PLCH2: variants seen among roughly 807,000 people sequenced by gnomAD.
PLCH2 encodes 1-phosphatidylinositol 4,5-bisphosphate phosphodiesterase eta-2.
A neutral mutation model predicts 134.7 loss-of-function variants in PLCH2; 98 were observed. The ratio of observed to expected loss-of-function variants is 0.73; its 90% CI spans 0.62 to 0.86. The LOEUF (loss-of-function observed/expected upper bound fraction) is 0.86, where lower values mean the gene tolerates loss of function less well. PLCH2 is among the 40% of genes least tolerant of loss of function. The probability of loss-of-function intolerance (pLI) is 0.00; values close to 1 mark genes in which losing one functional copy is unlikely to be tolerated. For missense variants in PLCH2, 1,994 were observed against 1,986.6 expected (o/e 1.00, Z -0.07); for synonymous variants, 974 against 827.5 (o/e 1.18, Z -3.04).
intron 1 of PLCH2, among the ~76,000 whole-genome samples, chr1:2,478,116 C>T (rs755507781): frequency 5.3e-5 from 8 of 152,206 alleles, no homozygotes; most frequent in South Asian, 2.1e-4. Flanking sequence ...CCAGGCCCAG[C>T]GCCGGTTACC....
intron 2 of PLCH2, among the ~76,000 whole-genome samples, chr1:2,441,078 G>A (rs1218217730): frequency 2.0e-5 from 3 of 152,208 alleles, no homozygotes; most frequent in Non-Finnish European, 4.4e-5. Flanking sequence ...TGCCCAGGAA[G>A]TGGAGGGGGT....
At chr1:2,467,124 G>C (rs1045498725), upstream of PLCH2, among the ~76,000 whole-genome samples, 2 of 151,244 alleles carry the variant, frequency 1.3e-5, no homozygotes, top group Non-Finnish European at 3.0e-5. Flanking sequence ...GCCAGCCAGG[G>C]AGCATTTGGC....
the PLCH2 span, among the ~76,000 whole-genome samples, chr1:2,416,925 TG>T: frequency 6.6e-6 from 1 of 151,900 alleles, no homozygotes; most frequent in African/African-American, 2.4e-5. Flanking sequence ...AGAGCCAGCC[TG>T]GGGGGGCCCT....
chr1:2,431,541 C>G (rs538715630), intron 2 of PLCH2, among the ~76,000 whole-genome samples: 1 of 152,148 alleles, frequency 6.6e-6, no homozygotes, highest in African/African-American at 2.4e-5. Context: ...AAGGGGAGAC[C>G]AGATGGGGGA....
intron 1 of PLCH2, among the ~76,000 whole-genome samples, chr1:2,430,179 G>A (rs938086097): frequency 2.6e-5 from 4 of 152,168 alleles, no homozygotes; most frequent in African/African-American, 9.7e-5. Flanking sequence ...GCCCCACTGC[G>A]CTGGCCTATT....
chr1:2,437,082 G>A (rs1639457911), intron 2 of PLCH2, among the ~76,000 whole-genome samples: 1 of 152,238 alleles, frequency 6.6e-6, no homozygotes, highest in Admixed American at 6.5e-5. Flanking sequence ...GCCTTCTGTG[G>A]GGCAGGGCAG....
intron 2 of PLCH2, among the ~76,000 whole-genome samples, chr1:2,458,742 G>A (rs1640622592): frequency 6.6e-6 from 1 of 152,176 alleles, no homozygotes; most frequent in African/African-American, 2.4e-5. Context: ...CCCAGTATGG[G>A]CAGCCCCCCA....
Position 2,487,716 on chromosome 1 carries a change from T to C in PLCH2, c.1233T>C (p.Asn411=), listed in dbSNP as rs1642361660. Residue 411 remains asparagine, a splice_region_variant and synonymous_variant, in exon 8 of 22, where the codon AAT becomes AAC. Coordinates refer to ENST00000378486, the MANE Select transcript of PLCH2 (RefSeq NM_014638.4). ...TCAACAAATATGCCTTCATCAAGAA[T>C]GAGTGAGTGGCTGGGCCTAGCGGGG... is the stretch of plus-strand genomic sequence containing the variant. ...ETINKYAFIK[N]EYPVILSIEN... 5.0e-6 allele frequency: 8 copies of C among 1,612,830 alleles called. No individual in the cohort carries two copies. Among genetic ancestry groups the C allele is most frequent in the Non-Finnish European group, 6.8e-6 (8 of 1,179,680 alleles).
rs1640059464 is a variant in PLCH2, at chr1:2,448,741, C to T, written c.115+18112C>T. Among the ~76,000 whole-genome samples, 1 of 152,096 alleles carries T rather than the reference C, an allele frequency of 6.6e-6. No individual in the cohort carries two copies. The highest frequency in any genetic ancestry group is 6.5e-5 in the Admixed American group (1 of 15,270). ...TGGCTCCCCACCATCCCCCCTGGTG[C>T]AGCCTCCTGGCTCCCCACCATCCAG... On this transcript the variant is annotated intron_variant, in intron 2 of 3. Coordinates refer to the PLCH2 transcript ENST00000609981. The surrounding 1 kb of genome is among the most constrained non-coding windows in gnomAD (Gnocchi z 4.0).
At chr1:2,415,966 G>A in the PLCH2 span, among the ~76,000 whole-genome samples, 2 of 152,240 alleles carry the variant, frequency 1.3e-5, no homozygotes, top group Admixed American at 6.5e-5. Flanking sequence ...GTGCTGTGGG[G>A]AGCTCAGAGG....
At chr1:2,450,310 GCGGC>G (rs1640130575) in intron 2 of PLCH2, among the ~76,000 whole-genome samples, 1 of 152,034 alleles carries the variant, frequency 6.6e-6, no homozygotes, top group African/African-American at 2.4e-5. Flanking sequence ...TCCAGCACAG[GCGGC>G]CGGTCCTCTG....
intron 2 of PLCH2, among the ~76,000 whole-genome samples, chr1:2,456,868 CT>C (rs745423661): frequency 6.6e-6 from 1 of 152,282 alleles, no homozygotes; most frequent in South Asian, 2.1e-4. Context: ...GAGAGCAGGT[CT>C]CACAGCCACA....
chr1:2,497,998 C>T (rs1033573581), intron 16 of PLCH2: 1 of 254,128 alleles, frequency 3.9e-6, no homozygotes, highest in Non-Finnish European at 7.6e-6. Context: ...CCTCCCGGCT[C>T]TCAGACACCT....
In PLCH2 at chr1:2,495,547, C is replaced by T. The variant is rs1274956090; in HGVS notation, c.1812C>T (p.Asp604=). Reference sequence around the variant, plus strand: ...TGGAGGAGGGAGATGAGGGTCAGGACTCCCCGGGAGGCCAGAGCCGAGGGT... The same window carrying T: ...TGGAGGAGGGAGATGAGGGTCAGGATTCCCCGGGAGGCCAGAGCCGAGGGT... ...ASVEEGDEGQ[D]SPGGQSRGAT... is the part of the protein sequence containing the mutation. Residue 604 remains aspartate (D), a synonymous_variant, in exon 13 of 22, where the codon GAC becomes GAT. Coordinates refer to ENST00000378486, the MANE Select transcript of PLCH2 (RefSeq NM_014638.4). The T allele has an allele frequency of 6.4e-7, 1 of 1,550,772 alleles. No homozygotes were observed. Among genetic ancestry groups the T allele is most frequent in the South Asian group, 1.2e-5 (1 of 83,922 alleles).
chr1:2,448,499 G>A lies in PLCH2; in HGVS notation c.115+17870G>A, dbSNP rs1640045931. 1.3e-5 allele frequency among the ~76,000 whole-genome samples: 2 copies of A among 152,154 alleles called. No homozygotes were observed. Among genetic ancestry groups the A allele is most frequent in the Non-Finnish European group, 2.9e-5 (2 of 68,032 alleles). On this transcript the variant is annotated intron_variant, in intron 2 of 3. Coordinates refer to the PLCH2 transcript ENST00000609981. This position sits in a 1 kb window ranked among gnomAD's most constrained non-coding sequence, Gnocchi z 4.0. ...GGGGCCTGCCTGGGTCATTCGGGAC[G>A]ATCTCCTCGGCGCAGGCCTTTCACT...
At position 2,489,219 on chromosome 1, in the gene PLCH2, C is replaced by T. The variant is rs1483185975; in HGVS notation, c.1248C>T (p.Ile416=). ...YAFIKNEYPV[I]LSIENHCSVI... is the part of the protein sequence containing the mutation. The stretch of plus-strand genomic sequence containing the variant: ...CTTGGGGCCACAGGTACCCAGTGAT[C>T]CTGTCCATCGAAAACCACTGCAGTG... The change falls in exon 9 of 22, where the codon ATC becomes ATT. Residue 416 remains isoleucine, a synonymous_variant. Transcript: ENST00000378486. The T allele has an allele frequency of 1.2e-5, 19 of 1,613,714 alleles. No individual in the cohort carries two copies. The highest frequency in any genetic ancestry group is 1.5e-5 in the Non-Finnish European group (18 of 1,179,768).
intron 2 of PLCH2, 121 bp from the exon 3 acceptor site, chr1:2,479,613 G>A (rs886651876): frequency 4.1e-5 from 41 of 1,008,424 alleles, no homozygotes; most frequent in Middle Eastern, 6.4e-4. Flanking sequence ...GAGCCCTGCC[G>A]AGGGTCCCGC....
intron 1 of PLCH2, 61 bp from the exon 2 acceptor site, chr1:2,478,415 G>T (rs1054513554): frequency 6.3e-7 from 1 of 1,590,784 alleles, no homozygotes; most frequent in Non-Finnish European, 8.6e-7. Flanking sequence ...GCTGACGGCC[G>T]TGTCTCTCCT....
At position 2,498,915 on chromosome 1, in the gene PLCH2, C is replaced by A; in HGVS notation, c.2434+87C>A. 1 of 1,340,440 alleles carries A rather than the reference C, an allele frequency of 7.5e-7. No homozygotes were observed. Among genetic ancestry groups the A allele is most frequent in the East Asian group, 2.5e-5 (1 of 40,032 alleles). 83.0% of individuals were successfully genotyped at this position (1,340,440 alleles called of 1,614,324 possible). ...CTACCTGGTGTGCCCGGGTGCCCTGCCCAGGCCTCCCTCAGTGACAGTCCT... is the reference window on the plus strand; with the variant it reads ...CTACCTGGTGTGCCCGGGTGCCCTGACCAGGCCTCCCTCAGTGACAGTCCT... On this transcript the variant is annotated intron_variant, in intron 18 of 21. Transcript: ENST00000378486. The surrounding 1 kb of genome is among the most constrained non-coding windows in gnomAD (Gnocchi z 5.4).
Sources: allele counts gnomAD v4.1 joint callset (sites outside exome capture counted in the v4.1 genomes callset), GRCh38; gene constraint gnomAD v4.1.1; non-coding constraint Gnocchi (gnomAD v3.1); transcripts MANE v1.5; gene names NCBI Gene and HGNC (gene_info 2026-07-23, HGNC 2026-07-21).